Variants in SCMH1 observed in about 807,000 individuals in gnomAD.
SCMH1 encodes Scm polycomb group protein homolog 1, also known as polycomb protein SCMH1.
In SCMH1, 37 loss-of-function variants were observed where a neutral mutation model predicts 70.8. That is an observed-to-expected ratio of 0.52 (90% confidence interval 0.40 to 0.69). The LOEUF (loss-of-function observed/expected upper bound fraction) is 0.69, where lower values mean the gene tolerates loss of function less well. Among genes scored for constraint, SCMH1 ranks in the 30% least tolerant of loss-of-function variants. The pLI is 0.00. For missense variants in SCMH1, 607 were observed against 827.3 expected, an observed-to-expected ratio of 0.73 and a Z score of 3.27; for synonymous variants, 292 against 307.4, an observed-to-expected ratio of 0.95 and a Z score of 0.52.
At chr1:41,072,840 G>A (rs1424661654) in intron 9 of SCMH1, among the ~76,000 whole-genome samples, 2 of 152,178 alleles carry the variant, frequency 1.3e-5, no homozygotes, top group East Asian at 1.9e-4. Context: ...CACTCAGCCT[G>A]GGTCACAGAG....
chr1:41,110,039 G>A (rs1348730936), intron 8 of SCMH1, among the ~76,000 whole-genome samples: 1 of 152,152 alleles, frequency 6.6e-6, no homozygotes, highest in Non-Finnish European at 1.5e-5. Flanking sequence ...AAGGTACCTC[G>A]CTTCTTGCTG....
chr1:41,179,524 A>C (rs1445566001), intron 2 of SCMH1, among the ~76,000 whole-genome samples: 1 of 152,228 alleles, frequency 6.6e-6, no homozygotes, highest in Non-Finnish European at 1.5e-5. Context: ...AAAAATGATA[A>C]AGGGGATATC....
At chr1:41,194,879 T>C (rs1652620730) in intron 1 of SCMH1, among the ~76,000 whole-genome samples, 1 of 152,044 alleles carries the variant, frequency 6.6e-6, no homozygotes. Context: ...TGGTGGCTCA[T>C]GCCTATAATC....
At chr1:41,083,453 C>T (rs1660661218) in intron 8 of SCMH1, among the ~76,000 whole-genome samples, 1 of 152,114 alleles carries the variant, frequency 6.6e-6, no homozygotes, top group Non-Finnish European at 1.5e-5. Context: ...GAACTACAAA[C>T]CACTGCTCAA....
At chr1:41,069,367 C>A (rs2148866758) in intron 10 of SCMH1, among the ~76,000 whole-genome samples, 1 of 152,116 alleles carries the variant, frequency 6.6e-6, no homozygotes, top group South Asian at 2.1e-4. Context: ...TATTTAGATA[C>A]AGAGGTAAAT....
Position 41,150,936 on chromosome 1 carries a change from CAAAAAAAAAAAA to C in SCMH1, c.177+666_177+677del, listed in dbSNP as rs71062579. 1.2e-4 allele frequency among the ~76,000 whole-genome samples: 9 copies of C among 76,526 alleles called. 2 individuals carry two copies. The allele number at this position is 76,526 out of a possible 152,430, so 50.2% of individuals were successfully genotyped here. A position where few individuals can be genotyped will look rare whatever the true frequency, so the allele number is the denominator to read the frequency against. Reference sequence around the variant, plus strand: ...TGGGCGACAGAGTGAGACACCATCTCAAAAAAAAAAAAAAAAAAAAAGAAAACAGACAAAATT... The same window carrying C: ...TGGGCGACAGAGTGAGACACCATCTCAAAAAAAAAGAAAACAGACAAAATT... On this transcript the variant is annotated intron_variant, in intron 5 of 14. Coordinates refer to ENST00000337495, the Ensembl canonical transcript of SCMH1.
At chr1:41,179,944 A>G (rs1049661726) in intron 2 of SCMH1, among the ~76,000 whole-genome samples, 2 of 152,234 alleles carry the variant, frequency 1.3e-5, no homozygotes, top group African/African-American at 4.8e-5. Flanking sequence ...TCCTTGATGA[A>G]CATTGATGCA....
At chr1:41,032,008 G>A (rs1644593967) in intron 13 of SCMH1, among the ~76,000 whole-genome samples, 2 of 151,438 alleles carry the variant, frequency 1.3e-5, no homozygotes, top group East Asian at 2.0e-4. Flanking sequence ...CATCAAACAC[G>A]GTGCAGAGAG....
At chr1:41,167,884 G>T (rs1646511068) in intron 2 of SCMH1, among the ~76,000 whole-genome samples, 1 of 148,464 alleles carries the variant, frequency 6.7e-6, no homozygotes, top group South Asian at 2.1e-4. Context: ...GGATTGCTGG[G>T]TATAGTATGC....
intron 6 of SCMH1, among the ~76,000 whole-genome samples, chr1:41,123,090 G>A (rs1672335093): frequency 6.6e-6 from 1 of 152,168 alleles, no homozygotes; most frequent in Non-Finnish European, 1.5e-5. Flanking sequence ...GTGTGGTGGT[G>A]TGTGCTTGTA....
intron 1 of SCMH1, among the ~76,000 whole-genome samples, chr1:41,230,552 G>A (rs1349622373): frequency 6.6e-6 from 1 of 151,880 alleles, no homozygotes; most frequent in African/African-American, 2.4e-5. Flanking sequence ...TACCTACTCA[G>A]AAGGCTGAGG....
At chr1:41,170,274 T>C (rs372641165) in intron 2 of SCMH1, among the ~76,000 whole-genome samples, 17 of 152,302 alleles carry the variant, frequency 1.1e-4, no homozygotes, top group African/African-American at 4.1e-4. Context: ...TATGTGGGGT[T>C]AAAACCCTCC....
intron 1 of SCMH1, among the ~76,000 whole-genome samples, chr1:41,212,828 A>G (rs775252253): frequency 1.7e-4 from 26 of 152,354 alleles, no homozygotes; most frequent in Admixed American, 5.9e-4. Context: ...TAATTTTTAA[A>G]AATACATACT....
intron 5 of SCMH1, among the ~76,000 whole-genome samples, chr1:41,143,933 G>T (rs1644327939): frequency 1.3e-5 from 2 of 152,194 alleles, no homozygotes; most frequent in South Asian, 4.1e-4. Context: ...TTTTATTGTT[G>T]AGTGGTATAA....
intron 1 of SCMH1, among the ~76,000 whole-genome samples, chr1:41,191,323 A>AT (rs1428022826): frequency 1.3e-5 from 2 of 152,270 alleles, no homozygotes; most frequent in African/African-American, 4.8e-5. Context: ...CACAGTAAAT[A>AT]TACTACTGAC....
chr1:41,081,856 G>T (rs1017469928), intron 8 of SCMH1, among the ~76,000 whole-genome samples: 1 of 151,836 alleles, frequency 6.6e-6, no homozygotes, highest in African/African-American at 2.4e-5. Context: ...TGCAAGGGTA[G>T]ATGAATGAAT....
intron 2 of SCMH1, among the ~76,000 whole-genome samples, chr1:41,162,394 G>A (rs1646108866): frequency 6.6e-6 from 1 of 152,184 alleles, no homozygotes; most frequent in Non-Finnish European, 1.5e-5. Flanking sequence ...AGAGCCTGAA[G>A]GCTGGGGGCT....
chr1:41,161,699 A>C (rs1388297144), intron 2 of SCMH1, among the ~76,000 whole-genome samples: 1 of 152,246 alleles, frequency 6.6e-6, no homozygotes, highest in Non-Finnish European at 1.5e-5. Flanking sequence ...AGTATTTTGA[A>C]GCTGTTAAAT....
chr1:41,122,286 C>T (rs142043230), intron 6 of SCMH1, among the ~76,000 whole-genome samples: 1 of 152,240 alleles, frequency 6.6e-6, no homozygotes, highest in African/African-American at 2.4e-5. Context: ...CTCAAATATA[C>T]CAAGCTGTTT....
Sources: allele counts gnomAD v4.1 joint callset (sites outside exome capture counted in the v4.1 genomes callset), GRCh38; gene constraint gnomAD v4.1.1; transcripts MANE v1.5; gene names NCBI Gene and HGNC (gene_info 2026-07-23, HGNC 2026-07-21).